NRXN3: variants seen among roughly 807,000 people sequenced by gnomAD.
The protein encoded by NRXN3 is neurexin 3.
In NRXN3, 32 loss-of-function variants were observed where a neutral mutation model predicts 137.6. That is an observed-to-expected ratio of 0.23 (90% CI 0.18 to 0.31). The LOEUF is 0.31. NRXN3 is among the 10% of genes least tolerant of loss of function. The pLI is 1.00. For synonymous variants in NRXN3, 798 were observed against 784.5 expected, an observed-to-expected ratio of 1.02 and a Z score of -0.29; for missense variants, 1,574 against 2,062.5, an observed-to-expected ratio of 0.76 and a Z score of 4.59.
chr14:79,054,059 G>A (rs953867101), intron 15 of NRXN3, among the ~76,000 whole-genome samples: 9 of 149,022 alleles, frequency 6.0e-5, no homozygotes, highest in Non-Finnish European at 1.0e-4. Context: ...CTATCGCAAG[G>A]ACAAAAAACC....
intron 15 of NRXN3, among the ~76,000 whole-genome samples, chr14:79,259,904 C>T (rs1186788656): frequency 6.6e-6 from 1 of 151,956 alleles, no homozygotes. Flanking sequence ...GTTAGGAAAT[C>T]AATCTAATTT....
At chr14:78,284,039 T>C (rs1260730575) in intron 3 of NRXN3, among the ~76,000 whole-genome samples, 1 of 152,204 alleles carries the variant, frequency 6.6e-6, no homozygotes, top group Non-Finnish European at 1.5e-5. Context: ...TGTTTCGAGC[T>C]TGTGTTAGAA....
intron 10 of NRXN3, among the ~76,000 whole-genome samples, chr14:78,916,906 C>T (rs2099256776): frequency 6.6e-6 from 1 of 152,168 alleles, no homozygotes; most frequent in African/African-American, 2.4e-5. Context: ...GCTGTCTTCT[C>T]CCTGTTTCTT....
intron 8 of NRXN3, among the ~76,000 whole-genome samples, chr14:78,733,393 G>A (rs894981812): frequency 6.6e-6 from 1 of 152,054 alleles, no homozygotes; most frequent in Non-Finnish European, 1.5e-5. Context: ...TATATTTTGT[G>A]TTTAACAGTC....
At chr14:78,873,998 A>G (rs192058908) in intron 10 of NRXN3, among the ~76,000 whole-genome samples, 25 of 148,810 alleles carry the variant, frequency 1.7e-4, no homozygotes, top group Non-Finnish European at 3.1e-4. Flanking sequence ...TTTTGAGACA[A>G]TGTCTCACTG....
chr14:78,568,735 G>A (rs1483842472), intron 4 of NRXN3, among the ~76,000 whole-genome samples: 1 of 152,136 alleles, frequency 6.6e-6, no homozygotes, highest in Admixed American at 6.5e-5. Flanking sequence ...GAATATCTAA[G>A]AGCTAAATAT....
intron 8 of NRXN3, among the ~76,000 whole-genome samples, chr14:78,792,399 C>T (rs145593966): frequency 6.5e-4 from 98 of 150,870 alleles, no homozygotes; most frequent in East Asian, 2.0e-3. Context: ...CTGAAGATAT[C>T]GCAGTTAATG....
chr14:78,494,495 A>G (rs996042100), intron 4 of NRXN3, among the ~76,000 whole-genome samples: 6 of 148,388 alleles, frequency 4.0e-5, no homozygotes, highest in Non-Finnish European at 8.9e-5. Flanking sequence ...CTGAGTCACC[A>G]GAACTGGGGT....
chr14:78,647,442 C>T (rs1434870725), intron 5 of NRXN3, among the ~76,000 whole-genome samples: 1 of 152,180 alleles, frequency 6.6e-6, no homozygotes, highest in Non-Finnish European at 1.5e-5. Context: ...CCTTATGTTC[C>T]AGAAGGATTA....
chr14:78,547,351 G>A (rs182664574), intron 4 of NRXN3, among the ~76,000 whole-genome samples: 3 of 151,760 alleles, frequency 2.0e-5, no homozygotes, highest in African/African-American at 4.8e-5. Flanking sequence ...GATTACAGGC[G>A]CCCGCTACCA....
At position 79,597,443 on chromosome 14, in the gene NRXN3, A is replaced by G. The variant is rs149043386; in HGVS notation, c.3445-66335A>G. ...TTCTCTCTTTATCCCTTCTTATACT[A>G]CAAAACAGACAAAGAGGGTTAGGTG... On this transcript the variant is annotated intron_variant, in intron 16 of 20. Coordinates refer to ENST00000335750, the MANE Select transcript of NRXN3 (RefSeq NM_001330195.2). Among the ~76,000 whole-genome samples the G allele has an allele frequency of 6.9e-3, 1,052 of 152,328 alleles. 7 individuals are homozygous for G. Among genetic ancestry groups the G allele is most frequent in the Admixed American group, 9.1e-3 (139 of 15,300 alleles).
intron 15 of NRXN3, among the ~76,000 whole-genome samples, chr14:79,073,945 A>C (rs912865409): frequency 2.6e-5 from 4 of 152,216 alleles, no homozygotes; most frequent in Non-Finnish European, 5.9e-5. Flanking sequence ...GTATTTTATA[A>C]GGATTAAATC....
chr14:78,637,368 C>G (rs1357226465), intron 4 of NRXN3, among the ~76,000 whole-genome samples: 3 of 152,216 alleles, frequency 2.0e-5, no homozygotes, highest in Non-Finnish European at 2.9e-5. Context: ...ATGGAAACTT[C>G]TCTTATGCCC....
At chr14:78,610,453 G>C (rs1449008581) in intron 4 of NRXN3, among the ~76,000 whole-genome samples, 3 of 152,160 alleles carry the variant, frequency 2.0e-5, no homozygotes, top group Admixed American at 2.0e-4. Context: ...GGTCCTCAAG[G>C]CTCATCACTT....
intron 10 of NRXN3, among the ~76,000 whole-genome samples, chr14:78,927,871 T>C (rs1469128756): frequency 6.6e-6 from 1 of 152,136 alleles, no homozygotes; most frequent in African/African-American, 2.4e-5. Context: ...CCTCAGCCTA[T>C]CTCAAGGTCT....
At chr14:79,476,189 T>C (rs2096558042) in intron 16 of NRXN3, among the ~76,000 whole-genome samples, 1 of 152,082 alleles carries the variant, frequency 6.6e-6, no homozygotes, top group African/African-American at 2.4e-5. Flanking sequence ...AGGAGCTCAG[T>C]GTATTGATGG....
chr14:78,532,550 A>G (rs943254777), intron 4 of NRXN3, among the ~76,000 whole-genome samples: 5 of 151,872 alleles, frequency 3.3e-5, no homozygotes, highest in South Asian at 2.1e-4. Flanking sequence ...AGATTTCTCT[A>G]TAATTCATTC....
At position 78,803,682 on chromosome 14, in the gene NRXN3, C is replaced by A; in HGVS notation, c.2107C>A (p.His703Asn). 6.2e-7 allele frequency: 1 copy of A among 1,614,116 alleles called. No homozygotes were observed. ...GAAGATCATCATGCCCATGGTCATG[C>A]ATACTGAGGCAGAGGATGTGTCCTT... Reference protein sequence around the residue: ...YMKIIMPMVMHTEAEDVSFRF... With the variant: ...YMKIIMPMVMNTEAEDVSFRF... The change falls in exon 9 of 21, where the codon CAT becomes AAT. Residue 703 changes from histidine to asparagine, a missense_variant. Physicochemically the swap from His to Asn is moderately conservative, Grantham distance 68. Transcript: ENST00000335750.
chr14:79,043,849 C>T (rs2099628927), intron 15 of NRXN3, among the ~76,000 whole-genome samples: 1 of 152,144 alleles, frequency 6.6e-6, no homozygotes, highest in Non-Finnish European at 1.5e-5. Context: ...TGTGAAGATC[C>T]TTTCCTGAAT....
Sources: gnomAD v4.1 joint callset for allele counts (sites outside exome capture counted in the v4.1 genomes callset) on GRCh38, gnomAD v4.1.1 for gene constraint, MANE v1.5 for transcripts, NCBI Gene and HGNC (gene_info 2026-07-23, HGNC 2026-07-21) for gene names.